The following ZDHHC2 variants were observed in gnomAD, a reference collection of about 807,000 sequenced individuals.
ZDHHC2 encodes the protein zDHHC palmitoyltransferase 2, also known as palmitoyltransferase ZDHHC2.
In ZDHHC2, 51 loss-of-function variants were observed where a neutral mutation model predicts 55.6. That is an observed-to-expected ratio of 0.92 (90% CI 0.73 to 1.16). The LOEUF (loss-of-function observed/expected upper bound fraction) is 1.16. ZDHHC2 is among the 50% of genes most tolerant of loss of function. ZDHHC2 has a pLI of 0.00. For missense variants in ZDHHC2, 491 were observed against 442.4 expected, an observed-to-expected ratio of 1.11 and a Z score of -0.99; for synonymous variants, 199 against 152.9, an observed-to-expected ratio of 1.30 and a Z score of -2.22.
At chr8:17,171,043 G>A (rs963253247) in intron 1 of ZDHHC2, among the ~76,000 whole-genome samples, 1 of 152,150 alleles carries the variant, frequency 6.6e-6, no homozygotes, top group African/African-American at 2.4e-5. Flanking sequence ...GCAGATCGTT[G>A]TTGAGGGTGT....
Position 17,199,538 on chromosome 8 carries a change from TC to T in ZDHHC2, c.476+1126del, listed in dbSNP as rs1563161257. On this transcript the variant is annotated intron_variant, in intron 6 of 12. Coordinates refer to ENST00000262096, the MANE Select transcript of ZDHHC2 (RefSeq NM_016353.5). ...TCGTCTTCGTCTTCGTCTTCTGTCT[TC>T]GTCTTCTGTCTTCGTCTTCGTCTTC... Among the ~76,000 whole-genome samples, 134 of 51,960 alleles carry T rather than the reference TC, an allele frequency of 2.6e-3. 7 individuals carry two copies. The highest frequency in any genetic ancestry group is 0.012 in the Middle Eastern group (1 of 86). 34.1% of individuals were successfully genotyped at this position (51,960 alleles called of 152,430 possible).
intron 1 of ZDHHC2, among the ~76,000 whole-genome samples, chr8:17,181,045 A>G (rs1805405319): frequency 6.6e-6 from 1 of 152,136 alleles, no homozygotes; most frequent in Admixed American, 6.5e-5. Context: ...TCTTCACCTC[A>G]CAGAAGAGAT....
chr8:17,158,199 G>A (rs919870077), intron 1 of ZDHHC2, among the ~76,000 whole-genome samples: 3 of 152,140 alleles, frequency 2.0e-5, no homozygotes, highest in Non-Finnish European at 4.4e-5. Flanking sequence ...AAATATATAG[G>A]AAAGGACGTG....
chr8:17,210,520 T>G (rs1214288505), intron 10 of ZDHHC2, 40 bp downstream of exon 10: 1 of 1,511,138 alleles, frequency 6.6e-7, no homozygotes, highest in Non-Finnish European at 9.0e-7. Context: ...TCAAATAAGA[T>G]ATTTTACCAT....
chr8:17,166,792 T>G (rs542843434), intron 1 of ZDHHC2, among the ~76,000 whole-genome samples: 38 of 152,256 alleles, frequency 2.5e-4, no homozygotes, highest in African/African-American at 9.1e-4. Flanking sequence ...CCACATGTAC[T>G]GGCCCATCAA....
chr8:17,168,011 A>G (rs543027931), intron 1 of ZDHHC2, among the ~76,000 whole-genome samples: 18 of 152,270 alleles, frequency 1.2e-4, no homozygotes, highest in African/African-American at 4.3e-4. Flanking sequence ...CATGTGTTTC[A>G]ATCTTCTTTT....
At chr8:17,182,338 C>A (rs1333144390) in intron 1 of ZDHHC2, among the ~76,000 whole-genome samples, 1 of 152,060 alleles carries the variant, frequency 6.6e-6, no homozygotes, top group Non-Finnish European at 1.5e-5. Flanking sequence ...AAATCCCAAT[C>A]ATAGTGTTTT....
At chr8:17,171,265 T>C (rs1804839883) in intron 1 of ZDHHC2, among the ~76,000 whole-genome samples, 1 of 152,222 alleles carries the variant, frequency 6.6e-6, no homozygotes, top group African/African-American at 2.4e-5. Flanking sequence ...ACAGCTGCCC[T>C]CAAATCTGCA....
intron 11 of ZDHHC2, 125 bp from the exon 12 acceptor site, chr8:17,217,047 C>A (rs1399412588): frequency 6.2e-6 from 5 of 804,390 alleles, no homozygotes; most frequent in Non-Finnish European, 1.0e-5. Context: ...CTTATATATA[C>A]CCTTATTATG....
At chr8:17,173,440 C>G (rs1018709655) in intron 1 of ZDHHC2, among the ~76,000 whole-genome samples, 1 of 152,022 alleles carries the variant, frequency 6.6e-6, no homozygotes, top group Non-Finnish European at 1.5e-5. Flanking sequence ...CTTTGGGAGG[C>G]TGAGGTGGGA....
chr8:17,198,754 C>T (rs1366110967), intron 6 of ZDHHC2, among the ~76,000 whole-genome samples: 1 of 152,116 alleles, frequency 6.6e-6, no homozygotes, highest in East Asian at 1.9e-4. Flanking sequence ...TACATAGTAC[C>T]TCACTGGAAG....
At chr8:17,157,170 G>A (rs1172616464) in intron 1 of ZDHHC2, among the ~76,000 whole-genome samples, 1 of 152,172 alleles carries the variant, frequency 6.6e-6, no homozygotes, top group Non-Finnish European at 1.5e-5. Flanking sequence ...CCCCGGGACC[G>A]CTGTGGAGAG....
At chr8:17,201,854 A>G (rs1021441793) in intron 6 of ZDHHC2, among the ~76,000 whole-genome samples, 6 of 151,980 alleles carry the variant, frequency 3.9e-5, no homozygotes, top group African/African-American at 1.4e-4. Context: ...ATATCTGTCA[A>G]CTTTGAATAT....
intron 1 of ZDHHC2, among the ~76,000 whole-genome samples, chr8:17,169,041 C>A (rs750053266): frequency 6.6e-6 from 1 of 151,986 alleles, no homozygotes. Flanking sequence ...TTGGTAGATA[C>A]CTAAGAGTGG....
At chr8:17,168,698 C>T (rs917413546) in intron 1 of ZDHHC2, among the ~76,000 whole-genome samples, 4 of 152,064 alleles carry the variant, frequency 2.6e-5, no homozygotes, top group South Asian at 4.2e-4. Flanking sequence ...TTTCTGCCTC[C>T]GTGAGTCCAA....
chr8:17,199,862 C>T (rs1031429602), intron 6 of ZDHHC2, among the ~76,000 whole-genome samples: 14 of 151,166 alleles, frequency 9.3e-5, no homozygotes, highest in African/African-American at 7.3e-5. Context: ...CGGGTTCAAG[C>T]GATTCTCCTG....
At chr8:17,186,236 T>C (rs1805702049) in intron 2 of ZDHHC2, 95 bp from the exon 3 acceptor site, 1 of 758,200 alleles carries the variant, frequency 1.3e-6, no homozygotes, top group East Asian at 3.0e-5. Flanking sequence ...TAATTGGTAA[T>C]TTGGTTATTT....
At chr8:17,172,929 G>A (rs1013220309) in intron 1 of ZDHHC2, among the ~76,000 whole-genome samples, 1 of 152,154 alleles carries the variant, frequency 6.6e-6, no homozygotes, top group Non-Finnish European at 1.5e-5. Flanking sequence ...CCATATTCAG[G>A]TAGTGCCCTG....
intron 9 of ZDHHC2, 162 bp downstream of exon 9, chr8:17,210,220 G>A (rs1357266472): frequency 4.6e-6 from 5 of 1,083,696 alleles, no homozygotes; most frequent in Non-Finnish European, 6.5e-6. Flanking sequence ...CAGTGTGGAA[G>A]TCAGTTAATT....
Sources: gnomAD v4.1 joint callset for allele counts (sites outside exome capture counted in the v4.1 genomes callset) on GRCh38, gnomAD v4.1.1 for gene constraint, MANE v1.5 for transcripts, NCBI Gene and HGNC (gene_info 2026-07-23, HGNC 2026-07-21) for gene names.